The following MCTP1 variants were observed in gnomAD, a reference collection of about 807,000 sequenced individuals.
The protein encoded by MCTP1 is multiple C2 and transmembrane domain containing 1.
In MCTP1, 69 loss-of-function variants were observed where a neutral mutation model predicts 120.6. The observed-to-expected ratio is 0.57, with a 90% confidence interval of 0.47 to 0.70. MCTP1 has a LOEUF of 0.70. MCTP1 is among the 30% of genes least tolerant of loss of function. The pLI is 0.00. For synonymous variants in MCTP1, 529 were observed against 493.1 expected, an observed-to-expected ratio of 1.07 and a Z score of -0.96; for missense variants, 1,203 against 1,248.8, an observed-to-expected ratio of 0.96 and a Z score of 0.55.
intron 19 of MCTP1, among the ~76,000 whole-genome samples, chr5:94,764,936 G>A (rs781102677): frequency 6.6e-6 from 1 of 151,282 alleles, no homozygotes; most frequent in African/African-American, 2.4e-5. Flanking sequence ...AACAGCTGCA[G>A]AATACACATT....
chr5:94,855,506 T>A (rs867968802), intron 17 of MCTP1, among the ~76,000 whole-genome samples: 1 of 151,988 alleles, frequency 6.6e-6, no homozygotes, highest in Middle Eastern at 3.4e-3. Flanking sequence ...AACTTCAGTC[T>A]GCTAGTTATA....
intron 2 of MCTP1, among the ~76,000 whole-genome samples, chr5:94,958,711 C>T (rs897900382): frequency 1.3e-5 from 2 of 152,152 alleles, no homozygotes; most frequent in African/African-American, 4.8e-5. Context: ...CCTCCCAAGA[C>T]TAAACCAGGA....
intron 6 of MCTP1, 108 bp downstream of exon 6, chr5:94,931,845 A>G: frequency 1.2e-6 from 1 of 827,776 alleles, no homozygotes; most frequent in South Asian, 1.6e-5. Context: ...TAACAATTGA[A>G]TAGTATGAAA....
intron 1 of MCTP1, among the ~76,000 whole-genome samples, chr5:95,122,566 A>C (rs114951813): frequency 0.015 from 2,236 of 152,310 alleles, 28 homozygotes; most frequent in Non-Finnish European, 0.023. Flanking sequence ...GTAAATTAGT[A>C]CAACCACTAT....
intron 19 of MCTP1, among the ~76,000 whole-genome samples, chr5:94,731,115 G>T (rs375287885): frequency 6.6e-6 from 1 of 152,128 alleles, no homozygotes; most frequent in Admixed American, 6.5e-5. Context: ...GGAAGACAAA[G>T]AACAAATTTT....
At chr5:94,793,797 T>A (rs1779448288) in intron 18 of MCTP1, among the ~76,000 whole-genome samples, 2 of 152,228 alleles carry the variant, frequency 1.3e-5, no homozygotes, top group Admixed American at 6.5e-5. Flanking sequence ...AAATAATAAA[T>A]GTGCTTGATT....
intron 1 of MCTP1, among the ~76,000 whole-genome samples, chr5:95,111,737 AT>A (rs1438464177): frequency 6.6e-6 from 1 of 152,152 alleles, no homozygotes; most frequent in Non-Finnish European, 1.5e-5. Flanking sequence ...AGTGAAATAT[AT>A]TTTTTTCCAA....
chr5:94,771,105 T>A (rs1363287797), intron 19 of MCTP1, among the ~76,000 whole-genome samples: 1 of 152,220 alleles, frequency 6.6e-6, no homozygotes, highest in African/African-American at 2.4e-5. Flanking sequence ...GAAACATTAT[T>A]TTTTACTTGT....
intron 19 of MCTP1, among the ~76,000 whole-genome samples, chr5:94,767,574 GC>G (rs1773079520): frequency 1.3e-5 from 2 of 152,062 alleles, no homozygotes; most frequent in Non-Finnish European, 2.9e-5. Flanking sequence ...ATTGTAGGAT[GC>G]AAAATCAACA....
intron 18 of MCTP1, among the ~76,000 whole-genome samples, chr5:94,785,415 T>C (rs1383211363): frequency 6.6e-6 from 1 of 152,050 alleles, no homozygotes; most frequent in Non-Finnish European, 1.5e-5. Flanking sequence ...AAAAAATAGG[T>C]CAACTATTAA....
At chr5:94,730,511 A>G (rs951164221) in intron 19 of MCTP1, among the ~76,000 whole-genome samples, 5 of 152,172 alleles carry the variant, frequency 3.3e-5, no homozygotes, top group African/African-American at 7.2e-5. Context: ...AAAAGGGCAG[A>G]TGAAGAGTTG....
At chr5:95,075,697 A>G (rs896830707) in intron 1 of MCTP1, among the ~76,000 whole-genome samples, 2 of 152,148 alleles carry the variant, frequency 1.3e-5, no homozygotes, top group Non-Finnish European at 2.9e-5. Context: ...TTATTTAGTT[A>G]TATTTGATCA....
intron 1 of MCTP1, among the ~76,000 whole-genome samples, chr5:95,196,019 T>C (rs1034937158): frequency 2.6e-4 from 40 of 152,146 alleles, no homozygotes; most frequent in African/African-American, 9.4e-4. Context: ...ATCTCTACAC[T>C]GGGCCAAATA....
At chr5:95,113,672 AC>A (rs1757615683) in intron 1 of MCTP1, among the ~76,000 whole-genome samples, 1 of 152,120 alleles carries the variant, frequency 6.6e-6, no homozygotes, top group Admixed American at 6.6e-5. Flanking sequence ...AGGCTAAAGT[AC>A]TCTGGGACTC....
At chr5:94,836,816 G>C (rs1271533315) in intron 17 of MCTP1, among the ~76,000 whole-genome samples, 1 of 152,184 alleles carries the variant, frequency 6.6e-6, no homozygotes, top group Non-Finnish European at 1.5e-5. Context: ...CTGCTCTGCA[G>C]TTTAAAAATC....
intron 1 of MCTP1, among the ~76,000 whole-genome samples, chr5:95,126,724 A>G (rs1758660836): frequency 6.6e-6 from 1 of 152,156 alleles, no homozygotes; most frequent in Non-Finnish European, 1.5e-5. Context: ...ATTTTCATAC[A>G]TGGAAGTGAC....
intron 20 of MCTP1, among the ~76,000 whole-genome samples, chr5:94,712,419 GT>G (rs11320054): frequency 0.67 from 99,635 of 149,104 alleles, 33,415 homozygotes; most frequent in Admixed American, 0.76. Flanking sequence ...CTTGAGGTGA[GT>G]TTTTTTTTTT....
intron 17 of MCTP1, among the ~76,000 whole-genome samples, chr5:94,824,862 T>C (rs1295409749): frequency 6.6e-6 from 1 of 152,230 alleles, no homozygotes; most frequent in Non-Finnish European, 1.5e-5. Flanking sequence ...TAGTTTGTAT[T>C]TCTGTGGGAT....
intron 22 of MCTP1, chr5:94,708,269 G>T: frequency 3.5e-6 from 1 of 289,374 alleles, no homozygotes; most frequent in Non-Finnish European, 6.4e-6. Context: ...ACTTGGAGGA[G>T]GATCTTCCCT....
Sources: allele counts gnomAD v4.1 joint callset (sites outside exome capture counted in the v4.1 genomes callset), GRCh38; gene constraint gnomAD v4.1.1; transcripts MANE v1.5; gene names NCBI Gene and HGNC (gene_info 2026-07-23, HGNC 2026-07-21).